SEC23A: variants seen among roughly 807,000 people sequenced by gnomAD.
SEC23A encodes SEC23 homolog A, COPII component, also known as protein transport protein Sec23A.
SEC23A carries 56 observed loss-of-function variants against 103.7 expected under a neutral mutation model. The ratio of observed to expected loss-of-function variants is 0.54; its 90% CI spans 0.44 to 0.67. The LOEUF is 0.67. Among genes scored for constraint, SEC23A ranks in the 30% least tolerant of loss-of-function variants. The pLI is 0.00. For synonymous variants in SEC23A, 281 were observed against 293.0 expected (o/e 0.96, Z 0.42); for missense variants, 784 against 936.4 (o/e 0.84, Z 2.12).
At chr14:39,038,091 T>G (rs779035049) in intron 19 of SEC23A, among the ~76,000 whole-genome samples, 2 of 152,232 alleles carry the variant, frequency 1.3e-5, no homozygotes, top group African/African-American at 4.8e-5. Flanking sequence ...CACAATTTAC[T>G]TGTACAACAC....
intron 16 of SEC23A, among the ~76,000 whole-genome samples, chr14:39,043,197 G>C (rs559620335): frequency 3.9e-5 from 6 of 152,124 alleles, no homozygotes; most frequent in African/African-American, 1.4e-4. Context: ...TCCTAGGCTG[G>C]TCTCAAATTC....
At chr14:39,083,854 C>T (rs1402581829) in intron 7 of SEC23A, among the ~76,000 whole-genome samples, 5 of 151,990 alleles carry the variant, frequency 3.3e-5, no homozygotes, top group Admixed American at 1.3e-4. Context: ...CGTGAGCCAA[C>T]ACGCCAAGCC....
intron 5 of SEC23A, among the ~76,000 whole-genome samples, chr14:39,089,465 ACTCCGCTTCCTGTG>A (rs570739892): frequency 0.01 from 1,491 of 142,420 alleles, 7 homozygotes; most frequent in Middle Eastern, 0.036. Context: ...TCTCTAAGGT[ACTCCGCTTCCTGTG>A]CTCCTGAAGG....
At chr14:39,085,566 C>T (rs571567662) in intron 7 of SEC23A, among the ~76,000 whole-genome samples, 196 bp downstream of exon 7, 68 of 152,072 alleles carry the variant, frequency 4.5e-4, no homozygotes, top group Non-Finnish European at 5.4e-4. Flanking sequence ...CAGGTGGTAT[C>T]GAAGGCAGAA....
intron 13 of SEC23A, 27 bp from the exon 14 acceptor site, chr14:39,055,323 T>C: frequency 6.2e-7 from 1 of 1,611,878 alleles, no homozygotes. Flanking sequence ...AGCATAGAAA[T>C]GCTTCTGAAT....
At chr14:39,040,254 C>A (rs1031427550) in intron 18 of SEC23A, 4 of 164,178 alleles carry the variant, frequency 2.4e-5, no homozygotes, top group African/African-American at 9.6e-5. Flanking sequence ...ATCCTAAAAG[C>A]CACAAAACCT....
intron 16 of SEC23A, among the ~76,000 whole-genome samples, chr14:39,043,744 T>C (rs1433539110): frequency 6.6e-6 from 1 of 152,056 alleles, no homozygotes; most frequent in African/African-American, 2.4e-5. Flanking sequence ...CAGGAAGGTA[T>C]AGGTGTCACA....
intron 17 of SEC23A, among the ~76,000 whole-genome samples, chr14:39,042,562 C>T (rs745669345): frequency 3.3e-5 from 5 of 152,132 alleles, no homozygotes; most frequent in Admixed American, 6.5e-5. Flanking sequence ...CTGTGCTTTG[C>T]GCAAAATCCA....
chr14:39,035,703 C>G (rs902139526), intron 19 of SEC23A, among the ~76,000 whole-genome samples: 1 of 152,196 alleles, frequency 6.6e-6, no homozygotes, highest in African/African-American at 2.4e-5. Flanking sequence ...CTAATCTCTG[C>G]TCTCTCCTGT....
At chr14:39,088,171 G>T (rs1887513089) in intron 5 of SEC23A, 1 of 152,166 alleles carries the variant, frequency 6.6e-6, no homozygotes, top group African/African-American at 2.4e-5. Flanking sequence ...TATCTGGGGA[G>T]CAAAGGCCAG....
chr14:39,094,436 ATATATATTTTTTTT>A lies in SEC23A; in HGVS notation c.222-1206_222-1193del, dbSNP rs1338832381. Among the ~76,000 whole-genome samples the A allele has an allele frequency of 5.2e-3, 113 of 21,526 alleles. 18 individuals carry two copies. In the East Asian group the frequency reaches 0.056, roughly 11 times the overall value. 14.1% of individuals were successfully genotyped at this position (21,526 alleles called of 152,430 possible). A position where few individuals can be genotyped will look rare whatever the true frequency, so the allele number is the denominator to read the frequency against. On this transcript the variant is annotated intron_variant, in intron 2 of 19. Coordinates refer to ENST00000307712, the MANE Select transcript of SEC23A (RefSeq NM_006364.4). ...TATATATATATATATATATATATAT[ATATATATTTTTTTT>A]TTTTTTTTTTCCCCTCCTGTAGAAA...
intron 1 of SEC23A, among the ~76,000 whole-genome samples, chr14:39,100,260 A>G (rs946638151): frequency 6.6e-6 from 1 of 152,148 alleles, no homozygotes; most frequent in African/African-American, 2.4e-5. Context: ...GTCCAATTAC[A>G]TGGCTATGCA....
intron 7 of SEC23A, among the ~76,000 whole-genome samples, chr14:39,082,310 C>T (rs572414028): frequency 1.3e-5 from 2 of 151,306 alleles, no homozygotes; most frequent in Non-Finnish European, 1.5e-5. Flanking sequence ...AGCTCTTCCT[C>T]AAGTAGAAAG....
chr14:39,049,593 A>G (rs1436130818), intron 14 of SEC23A, among the ~76,000 whole-genome samples: 1 of 151,714 alleles, frequency 6.6e-6, no homozygotes, highest in Non-Finnish European at 1.5e-5. Context: ...CTTGGGCAAC[A>G]TAGCGAGATC....
intron 7 of SEC23A, among the ~76,000 whole-genome samples, chr14:39,079,488 C>A (rs1566504236): frequency 6.6e-6 from 1 of 152,084 alleles, no homozygotes; most frequent in Non-Finnish European, 1.5e-5. Context: ...AGCTTCAGAA[C>A]AGAATGTAAA....
At chr14:39,043,021 G>T in intron 16 of SEC23A, 149 bp from the exon 17 acceptor site, 1 of 590,562 alleles carries the variant, frequency 1.7e-6, no homozygotes, top group Non-Finnish European at 3.0e-6. Flanking sequence ...CTGTCACCTA[G>T]GCTGGTGTGC....
In SEC23A at chr14:39,040,812, G is replaced by C. The variant is rs1305896923; in HGVS notation, c.2062C>G (p.Pro688Ala). 6.2e-7 allele frequency: 1 copy of C among 1,614,140 alleles called. No homozygotes were observed. The highest frequency in any genetic ancestry group is 8.5e-7 in the Non-Finnish European group (1 of 1,180,034). Residue 688 changes from proline (P) to alanine (A), a missense_variant, in exon 18 of 20, where the codon CCA becomes GCA. Physicochemically the swap from Pro to Ala is conservative, Grantham distance 27. Coordinates refer to ENST00000307712, the MANE Select transcript of SEC23A (RefSeq NM_006364.4). ...AGAATTTCCTGTGCATCATCCACTGGGGCTTGCAGAAGGTGGCGGAAATTT... is the reference window on the plus strand; with the variant it reads ...AGAATTTCCTGTGCATCATCCACTGCGGCTTGCAGAAGGTGGCGGAAATTT... ...YENFRHLLQAPVDDAQEILHS... is the reference protein window; with the variant it reads ...YENFRHLLQAAVDDAQEILHS...
At chr14:39,096,250 G>T in intron 1 of SEC23A, 111 bp from the exon 2 acceptor site, 1 of 734,948 alleles carries the variant, frequency 1.4e-6, no homozygotes, top group Non-Finnish European at 2.3e-6. Context: ...ATCAGGACCA[G>T]CTGGGCCCCG....
intron 5 of SEC23A, among the ~76,000 whole-genome samples, chr14:39,090,557 T>C (rs921736539): frequency 1.3e-5 from 2 of 152,114 alleles, no homozygotes; most frequent in African/African-American, 4.8e-5. Context: ...AATCGTCCAG[T>C]CTCAAAATAA....
Sources: allele counts gnomAD v4.1 joint callset (sites outside exome capture counted in the v4.1 genomes callset), GRCh38; gene constraint gnomAD v4.1.1; transcripts MANE v1.5; gene names NCBI Gene and HGNC (gene_info 2026-07-23, HGNC 2026-07-21).